CSMD1: variants seen among roughly 807,000 people sequenced by gnomAD.
CSMD1 encodes CUB and Sushi multiple domains 1.
A neutral mutation model predicts 417.5 loss-of-function variants in CSMD1; 213 were observed. That is an observed-to-expected ratio of 0.51 (90% CI 0.46 to 0.57). The LOEUF (loss-of-function observed/expected upper bound fraction) is 0.57. CSMD1 is among the 20% of genes least tolerant of loss of function. CSMD1 has a pLI of 0.00. For synonymous variants in CSMD1, 2,862 were observed against 1,736.8 expected, an observed-to-expected ratio of 1.65 and a Z score of -16.11; for missense variants, 6,923 against 4,529.7, an observed-to-expected ratio of 1.53 and a Z score of -15.17.
chr8:3,588,420 A>T (rs868748529), intron 8 of CSMD1, among the ~76,000 whole-genome samples: 2 of 152,116 alleles, frequency 1.3e-5, no homozygotes, highest in Non-Finnish European at 2.9e-5. Context: ...CACTTCTTCA[A>T]TGATCCCCTT....
chr8:3,005,868 G>A (rs9774700), intron 52 of CSMD1, among the ~76,000 whole-genome samples: 7,489 of 151,904 alleles, frequency 0.049, 185 homozygotes, highest in East Asian at 0.07. Context: ...GCACAAGACA[G>A]GGATGCCCTC....
chr8:3,864,554 G>A (rs572836449), intron 5 of CSMD1, among the ~76,000 whole-genome samples: 1 of 152,086 alleles, frequency 6.6e-6, no homozygotes, highest in Non-Finnish European at 1.5e-5. Flanking sequence ...TGCCATGTTG[G>A]TGTACTGCAC....
intron 1 of CSMD1, among the ~76,000 whole-genome samples, chr8:4,884,031 G>T (rs184206534): frequency 6.6e-6 from 1 of 151,994 alleles, no homozygotes; most frequent in African/African-American, 2.4e-5. Flanking sequence ...CCTTCGTAGT[G>T]AATGTCAAAT....
intron 1 of CSMD1, among the ~76,000 whole-genome samples, chr8:4,955,793 A>G (rs1196337059): frequency 2.2e-5 from 1 of 45,532 alleles, no homozygotes; most frequent in Non-Finnish European, 5.3e-5. Context: ...GTGGCGTAAC[A>G]GTACCTTCAA....
intron 1 of CSMD1, among the ~76,000 whole-genome samples, chr8:4,820,926 A>C (rs2117385303): frequency 6.6e-6 from 1 of 152,294 alleles, no homozygotes; most frequent in South Asian, 2.1e-4. Context: ...GTATATCTTC[A>C]TGTTGCTTCC....
intron 1 of CSMD1, among the ~76,000 whole-genome samples, chr8:4,875,112 A>C (rs745642205): frequency 6.6e-6 from 1 of 151,476 alleles, no homozygotes; most frequent in Non-Finnish European, 1.5e-5. Context: ...CAGAGTAAAT[A>C]CAGAAGCCCT....
In CSMD1 at chr8:4,536,149, C is replaced by T. The variant is rs141877415; in HGVS notation, c.302+101193G>A. On this transcript the variant is annotated intron_variant, in intron 2 of 69. Coordinates refer to ENST00000635120, the MANE Select transcript of CSMD1 (RefSeq NM_033225.6). ...AAGGTTCCTTTCTGTATATATAAACCGCAACTCAGTAAGTAAGGAGATTTG... is the reference window on the plus strand; with the variant it reads ...AAGGTTCCTTTCTGTATATATAAACTGCAACTCAGTAAGTAAGGAGATTTG... 1.4e-3 allele frequency among the ~76,000 whole-genome samples: 212 copies of T among 152,134 alleles called. 1 individual carries two copies. The highest frequency in any genetic ancestry group is 4.9e-3 in the African/African-American group (204 of 41,524).
intron 36 of CSMD1, among the ~76,000 whole-genome samples, chr8:3,182,140 ACAAAG>A (rs1821372808): frequency 1.3e-5 from 2 of 152,246 alleles, no homozygotes; most frequent in South Asian, 2.1e-4. Flanking sequence ...AATTTAAATA[ACAAAG>A]CAAAGAAATA....
intron 5 of CSMD1, among the ~76,000 whole-genome samples, chr8:3,780,115 T>C (rs532887185): frequency 1.3e-5 from 2 of 152,246 alleles, no homozygotes; most frequent in Non-Finnish European, 2.9e-5. Context: ...ATTAGAAGGC[T>C]TGCGCTGATA....
chr8:3,629,715 A>G (rs1796682051), intron 7 of CSMD1, among the ~76,000 whole-genome samples: 1 of 132,002 alleles, frequency 7.6e-6, no homozygotes. Context: ...TCGGCACAGA[A>G]AGAATAAAGG....
Position 4,158,598 on chromosome 8 carries a change from A to C in CSMD1, c.416-126499T>G, listed in dbSNP as rs1260689335. Among the ~76,000 whole-genome samples the C allele has an allele frequency of 4.6e-5, 7 of 151,940 alleles. No homozygotes were observed. In the South Asian group the frequency reaches 1.2e-3, roughly 27 times the overall value. Reference sequence around the variant, plus strand: ...AACAGTCCTCGTTCCCCTCCTTCTTATTTTTCTGGCCCAGAAATGATAATT... The same window carrying C: ...AACAGTCCTCGTTCCCCTCCTTCTTCTTTTTCTGGCCCAGAAATGATAATT... On this transcript the variant is annotated intron_variant, in intron 3 of 69. Transcript: ENST00000635120.
At chr8:4,046,052 T>G (rs1798130350) in intron 3 of CSMD1, among the ~76,000 whole-genome samples, 1 of 152,164 alleles carries the variant, frequency 6.6e-6, no homozygotes, top group African/African-American at 2.4e-5. Context: ...AGATTAGATT[T>G]TAAAATCAGT....
At chr8:3,575,741 T>C (rs971407673) in intron 9 of CSMD1, among the ~76,000 whole-genome samples, 1 of 151,994 alleles carries the variant, frequency 6.6e-6, no homozygotes, top group African/African-American at 2.4e-5. Context: ...ATCTTAAAGT[T>C]GAAATGAAAG....
chr8:4,527,154 T>C (rs1027134670), intron 2 of CSMD1, among the ~76,000 whole-genome samples: 1 of 152,216 alleles, frequency 6.6e-6, no homozygotes, highest in African/African-American at 2.4e-5. Flanking sequence ...AGTTACCCAA[T>C]GACATAAGTG....
At chr8:4,870,818 T>A (rs796978740) in intron 1 of CSMD1, among the ~76,000 whole-genome samples, 2 of 151,876 alleles carry the variant, frequency 1.3e-5, no homozygotes, top group Admixed American at 1.3e-4. Flanking sequence ...GAGCGAGGAG[T>A]GCATTTGCTG....
chr8:3,995,019 A>G (rs951144132), intron 5 of CSMD1, among the ~76,000 whole-genome samples: 8 of 152,052 alleles, frequency 5.3e-5, no homozygotes, highest in Admixed American at 3.3e-4. Flanking sequence ...AGCACCCACA[A>G]TGCTCCCCGT....
chr8:4,198,773 C>A (rs1799484326), intron 3 of CSMD1, among the ~76,000 whole-genome samples: 1 of 152,020 alleles, frequency 6.6e-6, no homozygotes. Flanking sequence ...AAATACTATT[C>A]TAAGAGTTCA....
intron 5 of CSMD1, among the ~76,000 whole-genome samples, chr8:3,965,015 T>G (rs1812575286): frequency 6.6e-6 from 1 of 152,188 alleles, no homozygotes; most frequent in African/African-American, 2.4e-5. Flanking sequence ...GTGTATAAAG[T>G]AGGTGATAGT....
At chr8:3,657,984 C>G (rs1490095147) in intron 7 of CSMD1, among the ~76,000 whole-genome samples, 1 of 152,040 alleles carries the variant, frequency 6.6e-6, no homozygotes, top group Non-Finnish European at 1.5e-5. Flanking sequence ...CAAATATATT[C>G]TATAAAGAGA....
Sources: allele counts gnomAD v4.1 joint callset (sites outside exome capture counted in the v4.1 genomes callset), GRCh38; gene constraint gnomAD v4.1.1; transcripts MANE v1.5; gene names NCBI Gene and HGNC (gene_info 2026-07-23, HGNC 2026-07-21).